The following FAM171A1 variants were observed in gnomAD, a reference collection of about 807,000 sequenced individuals.
FAM171A1 encodes family with sequence similarity 171 member A1, also known as protein FAM171A1.
In FAM171A1, 23 loss-of-function variants were observed where a neutral mutation model predicts 74.9. That is an observed-to-expected ratio of 0.31 (90% confidence interval 0.22 to 0.44). The LOEUF (loss-of-function observed/expected upper bound fraction) is 0.44, where lower values mean the gene tolerates loss of function less well. Among genes scored for constraint, FAM171A1 ranks in the 20% least tolerant of loss-of-function variants. FAM171A1 has a pLI of 1.00. For synonymous variants in FAM171A1, 527 were observed against 505.7 expected (o/e 1.04, Z -0.57); for missense variants, 1,162 against 1,159.2 (o/e 1.00, Z -0.03).
intron 2 of FAM171A1, among the ~76,000 whole-genome samples, chr10:15,279,782 G>A (rs982391513): frequency 1.8e-4 from 28 of 152,228 alleles, no homozygotes; most frequent in African/African-American, 6.3e-4. Context: ...GCCAGGCATG[G>A]TGGCGTGCAC....
At chr10:15,250,945 G>T (rs1008897860) in intron 4 of FAM171A1, among the ~76,000 whole-genome samples, 1 of 152,132 alleles carries the variant, frequency 6.6e-6, no homozygotes, top group African/African-American at 2.4e-5. Flanking sequence ...CCCTAGAAAT[G>T]GTGTCTCCCT....
Position 15,284,036 on chromosome 10 carries a change from A to C in FAM171A1, c.167T>G (p.Ile56Ser). The C allele has an allele frequency of 6.2e-7, 1 of 1,614,062 alleles. No homozygotes were observed. Among genetic ancestry groups the C allele is most frequent in the Non-Finnish European group, 8.5e-7 (1 of 1,180,030 alleles). Residue 56 changes from isoleucine (I) to serine (S), a missense_variant, in exon 2 of 8, where the codon ATC (isoleucine) becomes AGC (serine). Coordinates refer to ENST00000378116, the MANE Select transcript of FAM171A1 (RefSeq NM_001010924.2). The stretch of plus-strand genomic sequence containing the variant: ...GGCTATGGAGGCCTGGTTGGTGAAG[A>C]TCTCGATGAGCGCATCTGCTACGGG... The part of the protein sequence containing the change: ...HQPVADALIE[I>S]FTNQASIASG...
At position 15,331,859 on chromosome 10, in the gene FAM171A1, G is replaced by GTATACATA. The variant is rs58855042; in HGVS notation, c.97+39096_97+39097insTATGTATA. The stretch of plus-strand genomic sequence containing the variant: ...TATATATGTGTGTATATATATGTGT[G>GTATACATA]TATATATATGTGTGTGTATACATAT... On this transcript the variant is annotated intron_variant, in intron 1 of 7. Transcript: ENST00000378116. Among the ~76,000 whole-genome samples, 28 of 44,928 alleles carry GTATACATA rather than the reference G, an allele frequency of 6.2e-4. 1 individual carries two copies. The East Asian group carries it at 0.01, about 17-fold the overall frequency. 29.5% of individuals were successfully genotyped at this position (44,928 alleles called of 152,430 possible).
chr10:15,299,093 G>C (rs1403273840), intron 1 of FAM171A1, among the ~76,000 whole-genome samples: 3 of 152,072 alleles, frequency 2.0e-5, no homozygotes, highest in Admixed American at 1.3e-4. Context: ...GTGAATTTTT[G>C]TATTTTTAGT....
intron 3 of FAM171A1, among the ~76,000 whole-genome samples, chr10:15,262,680 G>C (rs1834673714): frequency 6.6e-6 from 1 of 152,230 alleles, no homozygotes; most frequent in Non-Finnish European, 1.5e-5. Context: ...ACTTGAAGGA[G>C]AAATAGGGCT....
chr10:15,218,554 AT>A (rs1833996509), intron 6 of FAM171A1, among the ~76,000 whole-genome samples: 1 of 152,092 alleles, frequency 6.6e-6, no homozygotes, highest in Non-Finnish European at 1.5e-5. Context: ...TGACTGACAT[AT>A]GTATCCCTAC....
rs578116532 is a variant in FAM171A1 at position 15,274,499 on chromosome 10, T to A, written c.418+1356A>T. ...AGATTCAGTGCCATCCCCATCAAGC[T>A]CCCAATGACTTTCTTCACAGAATTG... On this transcript the variant is annotated intron_variant, in intron 3 of 7. Transcript: ENST00000378116. Among the ~76,000 whole-genome samples the A allele has an allele frequency of 3.2e-3, 492 of 152,218 alleles. 16 individuals carry two copies. The East Asian group carries it at 0.083, about 26-fold the overall frequency.
At chr10:15,220,435 T>A (rs1834022048) in intron 6 of FAM171A1, among the ~76,000 whole-genome samples, 1 of 152,204 alleles carries the variant, frequency 6.6e-6, no homozygotes, top group Non-Finnish European at 1.5e-5. Flanking sequence ...ATTGGTCACG[T>A]TCTGAAAGAT....
intron 3 of FAM171A1, among the ~76,000 whole-genome samples, chr10:15,273,834 G>A (rs908481700): frequency 1.2e-4 from 18 of 152,194 alleles, no homozygotes; most frequent in East Asian, 9.6e-4. Context: ...AAATTCAACA[G>A]CCCTTCATGC....
chr10:15,350,651 T>C lies in FAM171A1; in HGVS notation c.97+20305A>G, dbSNP rs187024926. ...CCACTGCGCCCAGCCAATTCTCTCTTTTTTTTTTTTTGAGACAGTCTCTGT... is the reference window on the plus strand; with the variant it reads ...CCACTGCGCCCAGCCAATTCTCTCTCTTTTTTTTTTTGAGACAGTCTCTGT... On this transcript the variant is annotated intron_variant, in intron 1 of 7. Coordinates refer to ENST00000378116, the MANE Select transcript of FAM171A1 (RefSeq NM_001010924.2). Among the ~76,000 whole-genome samples the C allele has an allele frequency of 4.6e-3, 653 of 143,188 alleles. 5 individuals are homozygous for C. The highest frequency in any genetic ancestry group is 0.016 in the African/African-American group (621 of 40,006). 93.9% of individuals were successfully genotyped at this position (143,188 alleles called of 152,430 possible).
At chr10:15,295,735 C>A (rs1377150870) in intron 1 of FAM171A1, among the ~76,000 whole-genome samples, 1 of 152,180 alleles carries the variant, frequency 6.6e-6, no homozygotes, top group Admixed American at 6.5e-5. Context: ...AGAAGAAAGG[C>A]CCATTCCCAC....
intron 3 of FAM171A1, among the ~76,000 whole-genome samples, chr10:15,272,197 CA>C (rs1236683212): frequency 6.6e-6 from 1 of 152,026 alleles, no homozygotes; most frequent in East Asian, 1.9e-4. Context: ...GAAGATCTAC[CA>C]AGCAAACAGA....
chr10:15,216,732 C>T (rs1833971838), intron 6 of FAM171A1, among the ~76,000 whole-genome samples: 1 of 151,462 alleles, frequency 6.6e-6, no homozygotes, highest in Admixed American at 6.6e-5. Flanking sequence ...TGTGCCCAGC[C>T]ATATGATCTT....
At chr10:15,289,958 T>C (rs930429513) in intron 1 of FAM171A1, among the ~76,000 whole-genome samples, 1 of 152,116 alleles carries the variant, frequency 6.6e-6, no homozygotes, top group Admixed American at 6.5e-5. Flanking sequence ...AGGAAGGCCA[T>C]GTGGCTCACG....
At chr10:15,220,782 C>T (rs537448907) in intron 6 of FAM171A1, among the ~76,000 whole-genome samples, 162 bp downstream of exon 6, 128 of 152,290 alleles carry the variant, frequency 8.4e-4, no homozygotes, top group Admixed American at 1.5e-3. Flanking sequence ...CCCCCACCCC[C>T]GCAAAATACC....
At chr10:15,308,244 C>T (rs1835320427) in intron 1 of FAM171A1, among the ~76,000 whole-genome samples, 1 of 152,148 alleles carries the variant, frequency 6.6e-6, no homozygotes, top group Non-Finnish European at 1.5e-5. Context: ...TGCAAGTATA[C>T]AATCAGAGTA....
intron 1 of FAM171A1, among the ~76,000 whole-genome samples, chr10:15,330,788 GCTCACTGTAAC>G (rs1298522735): frequency 7.1e-6 from 1 of 140,568 alleles, no homozygotes; most frequent in Non-Finnish European, 1.5e-5. Flanking sequence ...CACAATCTTG[GCTCACTGTAAC>G]CTCCACCTCC....
rs144145449 is a variant in FAM171A1 at position 15,367,627 on chromosome 10, T to A, written c.97+3329A>T. 3.1e-3 allele frequency among the ~76,000 whole-genome samples: 468 copies of A among 152,376 alleles called. 3 individuals are homozygous for A. The highest frequency in any genetic ancestry group is 0.011 in the African/African-American group (450 of 41,586). ...TTCGTGGTCTTTCAACAGATCCCAG[T>A]GTTCTAATAACTGAAGTTTGAGTTT... On this transcript the variant is annotated intron_variant, in intron 1 of 7. Coordinates refer to ENST00000378116, the MANE Select transcript of FAM171A1 (RefSeq NM_001010924.2).
At chr10:15,288,813 CTTTTTTT>C (rs71505064) in intron 1 of FAM171A1, among the ~76,000 whole-genome samples, 6 of 73,696 alleles carry the variant, frequency 8.1e-5, no homozygotes, top group East Asian at 9.7e-4. Flanking sequence ...TTCGGTAATT[CTTTTTTT>C]TTTTTTTTTT....
Sources: gnomAD v4.1 joint callset for allele counts (sites outside exome capture counted in the v4.1 genomes callset) on GRCh38, gnomAD v4.1.1 for gene constraint, MANE v1.5 for transcripts, NCBI Gene and HGNC (gene_info 2026-07-23, HGNC 2026-07-21) for gene names.